PCDH15: variants seen among roughly 807,000 people sequenced by gnomAD.
PCDH15 encodes the protein protocadherin related 15, also known as protocadherin-15.
Under a neutral mutation model 178.5 loss-of-function variants are expected in PCDH15, and 129 were observed. The ratio of observed to expected loss-of-function variants is 0.72; its 90% CI spans 0.63 to 0.84. PCDH15 has a LOEUF of 0.84. Among genes scored for constraint, PCDH15 ranks in the 40% least tolerant of loss-of-function variants. The probability of loss-of-function intolerance (pLI) is 0.00; values close to 1 mark genes in which losing one functional copy is unlikely to be tolerated. For synonymous variants in PCDH15, 800 were observed against 732.0 expected, an observed-to-expected ratio of 1.09 and a Z score of -1.50; for missense variants, 2,230 against 2,099.9, an observed-to-expected ratio of 1.06 and a Z score of -1.21.
At chr10:55,083,348 TA>T (rs1187060503) in intron 2 of PCDH15, among the ~76,000 whole-genome samples, 1 of 151,808 alleles carries the variant, frequency 6.6e-6, no homozygotes, top group East Asian at 1.9e-4. Flanking sequence ...AAATACTTGA[TA>T]AAATTTGACA....
At chr10:54,526,881 A>G (rs2083412163) in intron 3 of PCDH15, among the ~76,000 whole-genome samples, 1 of 152,168 alleles carries the variant, frequency 6.6e-6, no homozygotes, top group Non-Finnish European at 1.5e-5. Flanking sequence ...AATTGCCTAT[A>G]CAGGTTTCCA....
intron 3 of PCDH15, among the ~76,000 whole-genome samples, chr10:54,514,105 T>C (rs2081974401): frequency 6.6e-6 from 1 of 152,230 alleles, no homozygotes; most frequent in South Asian, 2.1e-4. Context: ...GCTTTACTCA[T>C]GTAATAAGAT....
chr10:54,748,640 G>A (rs2384531), intron 1 of PCDH15, among the ~76,000 whole-genome samples: 1 of 152,156 alleles, frequency 6.6e-6, no homozygotes, highest in Non-Finnish European at 1.5e-5. Flanking sequence ...TAAAGTGTGC[G>A]AAAAAAGGGT....
chr10:55,079,884 T>A (rs2132024261), intron 2 of PCDH15, among the ~76,000 whole-genome samples: 1 of 152,000 alleles, frequency 6.6e-6, no homozygotes, highest in East Asian at 1.9e-4. Flanking sequence ...CAGGCTCTGG[T>A]GGGGAGGGAC....
intron 2 of PCDH15, among the ~76,000 whole-genome samples, chr10:55,427,504 C>G (rs746882545): frequency 6.6e-6 from 1 of 152,140 alleles, no homozygotes; most frequent in African/African-American, 2.4e-5. Context: ...AACTTGAACA[C>G]TGAATGCAGA....
In PCDH15 at chr10:55,226,222, T is replaced by C. The variant is rs535322946; in HGVS notation, c.-155-59571A>G. ...ACATTTGACCAAAACTTCTAGCATATGAGACAGATCAAATAACCAAGAATA... is the reference window on the plus strand; with the variant it reads ...ACATTTGACCAAAACTTCTAGCATACGAGACAGATCAAATAACCAAGAATA... On this transcript the variant is annotated intron_variant, in intron 1 of 5. Coordinates refer to the PCDH15 transcript ENST00000458638. Among the ~76,000 whole-genome samples the C allele has an allele frequency of 1.8e-3, 276 of 152,234 alleles. 2 individuals are homozygous for C. The highest frequency in any genetic ancestry group is 4.6e-3 in the South Asian group (22 of 4,822).
At chr10:54,456,860 G>A (rs1332622325) in intron 3 of PCDH15, among the ~76,000 whole-genome samples, 1 of 152,134 alleles carries the variant, frequency 6.6e-6, no homozygotes, top group Non-Finnish European at 1.5e-5. Context: ...TATAAGGGGT[G>A]TTTCTCCCTT....
intron 2 of PCDH15, among the ~76,000 whole-genome samples, chr10:55,334,671 A>C (rs1403563983): frequency 6.6e-6 from 1 of 152,038 alleles, no homozygotes; most frequent in African/African-American, 2.4e-5. Context: ...TTTTATAAAG[A>C]GTAATGATTC....
At chr10:55,058,108 A>G (rs1841348718) in intron 2 of PCDH15, among the ~76,000 whole-genome samples, 1 of 152,228 alleles carries the variant, frequency 6.6e-6, no homozygotes, top group Admixed American at 6.5e-5. Context: ...GATGCTAGAT[A>G]CAAAATAAAA....
chr10:55,105,047 G>A (rs530184689), intron 2 of PCDH15, among the ~76,000 whole-genome samples: 1 of 152,296 alleles, frequency 6.6e-6, no homozygotes, highest in Non-Finnish European at 1.5e-5. Context: ...AGTTAATTTT[G>A]TGCAGTTATG....
At chr10:55,398,957 A>G (rs1837995088) in intron 2 of PCDH15, among the ~76,000 whole-genome samples, 1 of 152,196 alleles carries the variant, frequency 6.6e-6, no homozygotes, top group Non-Finnish European at 1.5e-5. Context: ...ACATATATGA[A>G]TGAAAAAATG....
At chr10:55,173,599 C>T (rs919616371) in intron 1 of PCDH15, among the ~76,000 whole-genome samples, 2 of 151,502 alleles carry the variant, frequency 1.3e-5, no homozygotes, top group South Asian at 2.1e-4. Flanking sequence ...TCAATTTATC[C>T]GTTTAAAAAA....
At chr10:54,101,605 C>T (rs2094813403) in intron 15 of PCDH15, among the ~76,000 whole-genome samples, 2 of 152,024 alleles carry the variant, frequency 1.3e-5, no homozygotes, top group African/African-American at 4.8e-5. Flanking sequence ...TCTCCAATGA[C>T]AAAGTGAGGA....
intron 8 of PCDH15, among the ~76,000 whole-genome samples, chr10:54,254,408 T>C (rs2056743776): frequency 6.6e-6 from 1 of 152,014 alleles, no homozygotes; most frequent in Non-Finnish European, 1.5e-5. Context: ...GGAGCGAAAA[T>C]AAAGGTTCAT....
At chr10:54,402,662 T>C (rs543927403) in intron 3 of PCDH15, among the ~76,000 whole-genome samples, 1 of 152,126 alleles carries the variant, frequency 6.6e-6, no homozygotes, top group Admixed American at 6.6e-5. Context: ...TCTGTTATGA[T>C]TATCTGTAAT....
At chr10:54,036,279 A>T (rs1043933487) in intron 18 of PCDH15, among the ~76,000 whole-genome samples, 4 of 151,990 alleles carry the variant, frequency 2.6e-5, no homozygotes, top group African/African-American at 9.7e-5. Flanking sequence ...TTCTATTAGA[A>T]TATGCCATCT....
rs577541569 is a variant in PCDH15 at position 54,231,677 on chromosome 10, A to G, written c.985+5146T>C. 2.0e-5 allele frequency among the ~76,000 whole-genome samples: 3 copies of G among 152,360 alleles called. No homozygotes were observed. In the South Asian group the frequency reaches 6.2e-4, roughly 32 times the overall value. ...CAATGGGGCTGTACTGTGCAAAGCC[A>G]CAGAGGCAGAAATACCCAAGGCCTT... On this transcript the variant is annotated intron_variant, in intron 9 of 37. Transcript: ENST00000644397.
intron 1 of PCDH15, among the ~76,000 whole-genome samples, chr10:55,187,112 T>A (rs1315726975): frequency 6.6e-6 from 1 of 151,918 alleles, no homozygotes; most frequent in Non-Finnish European, 1.5e-5. Context: ...ATAGTCAATG[T>A]TCATATACAC....
intron 3 of PCDH15, among the ~76,000 whole-genome samples, chr10:54,392,721 A>G (rs1950710332): frequency 6.6e-6 from 1 of 151,672 alleles, no homozygotes; most frequent in South Asian, 2.1e-4. Flanking sequence ...CAACATAGTG[A>G]AACCCTGTCT....
Sources: gnomAD v4.1 joint callset for allele counts (sites outside exome capture counted in the v4.1 genomes callset) on GRCh38, gnomAD v4.1.1 for gene constraint, MANE v1.5 for transcripts, NCBI Gene and HGNC (gene_info 2026-07-23, HGNC 2026-07-21) for gene names.